The following FSTL4 variants were observed in gnomAD, a reference collection of about 807,000 sequenced individuals.
The protein encoded by FSTL4 is follistatin like 4.
Under a neutral mutation model 78.2 loss-of-function variants are expected in FSTL4, and 28 were observed. The ratio of observed to expected loss-of-function variants is 0.36; its 90% CI spans 0.27 to 0.49. FSTL4 has a LOEUF of 0.49. FSTL4 is among the 20% of genes least tolerant of loss of function. The pLI is 0.98. For missense variants in FSTL4, 922 were observed against 1,084.9 expected (o/e 0.85, Z 2.11); for synonymous variants, 422 against 440.5 (o/e 0.96, Z 0.53).
At chr5:133,473,560 C>T (rs1259465048) in intron 3 of FSTL4, among the ~76,000 whole-genome samples, 7 of 152,164 alleles carry the variant, frequency 4.6e-5, no homozygotes, top group East Asian at 3.9e-4. Flanking sequence ...TCTGCCTCCG[C>T]GTCAACACAT....
chr5:133,443,151 C>T (rs1757195286), intron 3 of FSTL4, among the ~76,000 whole-genome samples: 1 of 152,220 alleles, frequency 6.6e-6, no homozygotes, highest in Non-Finnish European at 1.5e-5. Context: ...AGGTAAGTGT[C>T]ACATTCTAAT....
intron 3 of FSTL4, among the ~76,000 whole-genome samples, chr5:133,419,602 T>C (rs907030719): frequency 3.9e-4 from 59 of 152,330 alleles, no homozygotes; most frequent in African/African-American, 1.4e-3. Context: ...TTTGGGTAAG[T>C]AGGTAAGAGT....
At chr5:133,708,095 G>T in the FSTL4 span, among the ~76,000 whole-genome samples, 1 of 148,944 alleles carries the variant, frequency 6.7e-6, no homozygotes, top group African/African-American at 2.5e-5. Context: ...AGGAGGGAAA[G>T]GGGGCAGGAA....
At chr5:133,553,407 G>A (rs1759727956) in intron 3 of FSTL4, among the ~76,000 whole-genome samples, 1 of 152,180 alleles carries the variant, frequency 6.6e-6, no homozygotes, top group Admixed American at 6.5e-5. Context: ...AGAGCTGAGA[G>A]TCCTCAGGAC....
chr5:133,469,953 A>C lies in FSTL4; in HGVS notation c.161-68967T>G, dbSNP rs376163657. On this transcript the variant is annotated intron_variant, in intron 3 of 15. Coordinates refer to ENST00000265342, the MANE Select transcript of FSTL4 (RefSeq NM_015082.2). ...AAACTCTCTTATGCAGAAAAAAAAA[A>C]CAGAAGAATTTTTTGCCTAAAGAAA... Among the ~76,000 whole-genome samples, 6 of 152,208 alleles carry C rather than the reference A, an allele frequency of 3.9e-5. No homozygotes were observed. The South Asian group carries it at 1.0e-3, about 26-fold the overall frequency.
chr5:133,512,842 GT>G (rs1039347959), intron 3 of FSTL4, among the ~76,000 whole-genome samples: 1 of 151,488 alleles, frequency 6.6e-6, no homozygotes, highest in African/African-American at 2.4e-5. Flanking sequence ...TTTTGAGACA[GT>G]TTTGCTCTCT....
chr5:133,725,763 C>G, the FSTL4 span, among the ~76,000 whole-genome samples: 1 of 152,162 alleles, frequency 6.6e-6, no homozygotes, highest in Admixed American at 6.5e-5. Flanking sequence ...GGGACCAAAG[C>G]TGTCTTCATG....
At chr5:133,498,370 C>G (rs10061884) in intron 3 of FSTL4, among the ~76,000 whole-genome samples, 3,211 of 152,270 alleles carry the variant, frequency 0.021, 121 homozygotes, top group African/African-American at 0.074. Context: ...TTATTACAGA[C>G]TCTATACATC....
At chr5:133,520,580 G>A (rs1039457880) in intron 3 of FSTL4, among the ~76,000 whole-genome samples, 1 of 152,134 alleles carries the variant, frequency 6.6e-6, no homozygotes, top group African/African-American at 2.4e-5. Context: ...AAATTAGGGG[G>A]CTGGTGGGTT....
intron 3 of FSTL4, among the ~76,000 whole-genome samples, chr5:133,439,892 T>C (rs879915997): frequency 9.2e-5 from 14 of 152,118 alleles, no homozygotes; most frequent in African/African-American, 3.1e-4. Context: ...AATGCCTTCA[T>C]TAGGAATTCA....
At chr5:133,437,540 A>G (rs1340597515) in intron 3 of FSTL4, among the ~76,000 whole-genome samples, 2 of 118,494 alleles carry the variant, frequency 1.7e-5, no homozygotes, top group African/African-American at 3.3e-5. Context: ...CCCAGGCTGG[A>G]GTGCAATGGT....
chr5:133,227,575 G>A (rs554985210), intron 8 of FSTL4, among the ~76,000 whole-genome samples: 1 of 152,298 alleles, frequency 6.6e-6, no homozygotes, highest in South Asian at 2.1e-4. Context: ...TGGTAGCATA[G>A]AGCCACCAGA....
At chr5:133,222,586 A>G (rs1751174821) in intron 11 of FSTL4, among the ~76,000 whole-genome samples, 1 of 152,244 alleles carries the variant, frequency 6.6e-6, no homozygotes, top group African/African-American at 2.4e-5. Flanking sequence ...AAAGCATAAT[A>G]GAGCCCACAT....
chr5:133,508,207 G>T (rs956911741), intron 3 of FSTL4, among the ~76,000 whole-genome samples: 3 of 152,168 alleles, frequency 2.0e-5, no homozygotes, highest in African/African-American at 7.2e-5. Context: ...AGGTAGGATT[G>T]GTGCCTGGCA....
chr5:133,460,910 G>A lies in FSTL4; in HGVS notation c.161-59924C>T, dbSNP rs554450664. Among the ~76,000 whole-genome samples, 49 of 152,242 alleles carry A rather than the reference G, an allele frequency of 3.2e-4. No homozygotes were observed. In the South Asian group the frequency reaches 4.4e-3, roughly 14 times the overall value. ...GTTACGCCAAGCAAGAGAAAATAAA[G>A]GAACAATTTCCCTTTCAGTGCTACA... is the stretch of plus-strand genomic sequence containing the variant. On this transcript the variant is annotated intron_variant, in intron 3 of 15. Coordinates refer to ENST00000265342, the MANE Select transcript of FSTL4 (RefSeq NM_015082.2).
chr5:133,501,845 A>C (rs1209996850), intron 3 of FSTL4, among the ~76,000 whole-genome samples: 1 of 152,200 alleles, frequency 6.6e-6, no homozygotes, highest in East Asian at 1.9e-4. Flanking sequence ...TAATCAAGTA[A>C]AGATGAGGCC....
At chr5:133,320,527 A>T (rs144345313) in intron 4 of FSTL4, among the ~76,000 whole-genome samples, 1 of 152,264 alleles carries the variant, frequency 6.6e-6, no homozygotes, top group African/African-American at 2.4e-5. Context: ...AAAGAAAATA[A>T]ATCATCCCGA....
At chr5:133,752,619 AAAATAAAATTAAATT>A in the FSTL4 span, among the ~76,000 whole-genome samples, 3 of 150,722 alleles carry the variant, frequency 2.0e-5, no homozygotes, top group South Asian at 6.3e-4. Context: ...CAAATAAAAT[AAAATAAAATTAAATT>A]AAATTAAATT....
chr5:133,624,339 A>G, the FSTL4 span, among the ~76,000 whole-genome samples: 1 of 152,010 alleles, frequency 6.6e-6, no homozygotes, highest in Non-Finnish European at 1.5e-5. Context: ...GAAAGAAGGC[A>G]TACACAAAAT....
Sources: gnomAD v4.1 joint callset for allele counts (sites outside exome capture counted in the v4.1 genomes callset) on GRCh38, gnomAD v4.1.1 for gene constraint, MANE v1.5 for transcripts, NCBI Gene and HGNC (gene_info 2026-07-23, HGNC 2026-07-21) for gene names.